GCN1: variants seen among roughly 807,000 people sequenced by gnomAD.
GCN1 encodes the protein GCN1 activator of EIF2AK4, also known as stalled ribosome sensor GCN1.
A neutral mutation model predicts 288.4 loss-of-function variants in GCN1; 90 were observed. The ratio of observed to expected loss-of-function variants is 0.31; its 90% CI spans 0.26 to 0.37. The LOEUF (loss-of-function observed/expected upper bound fraction) is 0.37. GCN1 is among the 10% of genes least tolerant of loss of function. The pLI, the probability that GCN1 is intolerant of heterozygous loss-of-function variation, is 1.00. For missense variants in GCN1, 2,586 were observed against 3,419.9 expected (o/e 0.76, Z 6.08); for synonymous variants, 1,386 against 1,420.2 (o/e 0.98, Z 0.54).
rs1196822246 is a variant in GCN1, at chr12:120,134,758, G to A, written c.7009-32C>T. 1 of 1,592,430 alleles carries A rather than the reference G, an allele frequency of 6.3e-7. No homozygotes were observed. The highest frequency in any genetic ancestry group is 8.6e-7 in the Non-Finnish European group (1 of 1,162,390). On this transcript the variant is annotated intron_variant, in intron 51 of 57. Coordinates refer to ENST00000300648, the MANE Select transcript of GCN1 (RefSeq NM_006836.2). The surrounding 1 kb of genome is among the most constrained non-coding windows in gnomAD (Gnocchi z 5.0). The stretch of plus-strand genomic sequence containing the variant: ...GAGGAACCCACATCCATGAAAGACA[G>A]TTGTGGTAGACCCAAAGCCACAGTG...
chr12:120,144,961 T>C lies in GCN1; in HGVS notation c.5117A>G (p.Tyr1706Cys), dbSNP rs900587552. 8 of 1,614,048 alleles carry C rather than the reference T, an allele frequency of 5.0e-6. 1 individual carries two copies. Among genetic ancestry groups the C allele is most frequent in the Admixed American group, 3.3e-5 (2 of 60,012 alleles). Reference protein sequence around the residue: ...LLPWLMETLTYEQSSVDRSGA... With the variant: ...LLPWLMETLTCEQSSVDRSGA... ...TGAGCGATCCACAGAGCTCTGCTCA[T>C]AGGTCAGTGTCTCCATCAGCCACGG... The change falls in exon 40 of 58, where the codon TAT becomes TGT. Residue 1706 changes from tyrosine to cysteine, a missense_variant. Physicochemically the swap from Tyr to Cys is radical, Grantham distance 194. Transcript: ENST00000300648. The surrounding 1 kb of genome is among the most constrained non-coding windows in gnomAD (Gnocchi z 4.7).
rs757807251 is a variant in GCN1 at position 120,130,729 on chromosome 12, G to A, written c.7588C>T (p.Arg2530Trp). The A allele has an allele frequency of 8.1e-6, 13 of 1,613,352 alleles. No individual in the cohort carries two copies. Among genetic ancestry groups the A allele is most frequent in the East Asian group, 2.2e-5 (1 of 44,894 alleles). The change falls in exon 56 of 58, where the codon CGG (arginine) becomes TGG (tryptophan). Residue 2530 changes from arginine (R) to tryptophan (W), a missense_variant. By Grantham distance (101) the Arg-to-Trp change is moderately radical. Around this residue, in one of 8 missense-constraint regions of GCN1, gnomAD observed 355 missense variants for 431.1 expected, o/e 0.82. Coordinates refer to ENST00000300648, the MANE Select transcript of GCN1 (RefSeq NM_006836.2). ...TGTCTCATGAGAAAGCCCATGCCCC[G>A]GACCCCGCTCACCGCAATGGGGATC... Reference protein sequence around the residue: ...DRIPIAVSGVRGMGFLMRHHI... With the variant: ...DRIPIAVSGVWGMGFLMRHHI...
Position 120,156,320 on chromosome 12 carries a change from G to T in GCN1, c.3312+141C>A, listed in dbSNP as rs1041654595. 2.8e-5 allele frequency: 21 copies of T among 742,238 alleles called. No individual in the cohort carries two copies. Among genetic ancestry groups the T allele is most frequent in the Non-Finnish European group, 4.0e-5 (18 of 448,970 alleles). 46.0% of individuals were successfully genotyped at this position (742,238 alleles called of 1,614,324 possible). On this transcript the variant is annotated intron_variant, in intron 28 of 57. Transcript: ENST00000300648. The surrounding 1 kb of genome is among the most constrained non-coding windows in gnomAD (Gnocchi z 5.8). ...TGCTTAGTGTTCTGATTCTCAGAGA[G>T]ACCCCAACCATGTGACTTCTTCTCT...
At position 120,153,698 on chromosome 12, in the gene GCN1, A is replaced by G; in HGVS notation, c.3867+46T>C. On this transcript the variant is annotated intron_variant, in intron 32 of 57. Transcript: ENST00000300648. The surrounding 1 kb of genome is among the most constrained non-coding windows in gnomAD (Gnocchi z 4.4). Reference sequence around the variant, plus strand: ...TCCCGTGTCTCCTTAGCGGGCTGGGACCCCCTTACCTTCCCGTGGGTGTTC... The same window carrying G: ...TCCCGTGTCTCCTTAGCGGGCTGGGGCCCCCTTACCTTCCCGTGGGTGTTC... 1 of 1,581,644 alleles carries G rather than the reference A, an allele frequency of 6.3e-7. No individual in the cohort carries two copies. Among genetic ancestry groups the G allele is most frequent in the Non-Finnish European group, 8.7e-7 (1 of 1,155,586 alleles).
chr12:120,134,843 A>AT lies in GCN1; in HGVS notation c.7009-118_7009-117insA. The AT allele has an allele frequency of 3.5e-6, 3 of 864,012 alleles. No individual in the cohort carries two copies. Among genetic ancestry groups the AT allele is most frequent in the Non-Finnish European group, 5.6e-6 (3 of 536,760 alleles). 53.5% of individuals were successfully genotyped at this position (864,012 alleles called of 1,614,324 possible). On this transcript the variant is annotated intron_variant, in intron 51 of 57. Transcript: ENST00000300648. This position sits in a 1 kb window ranked among gnomAD's most constrained non-coding sequence, Gnocchi z 5.0. ...CCACCACAGCGAGTCCAGCTCTCAT[A>AT]CAGGGCTGGGGACAGATAGCCCGTC...
intron 56 of GCN1, among the ~76,000 whole-genome samples, chr12:120,129,951 G>A (rs780895131): frequency 4.0e-4 from 61 of 152,188 alleles, no homozygotes; most frequent in Non-Finnish European, 5.9e-4. Context: ...GTGAACAAGC[G>A]GGTGCAGGCT....
Position 120,134,740 on chromosome 12 carries a change from C to G in GCN1, c.7009-14G>C. 1 of 1,610,304 alleles carries G rather than the reference C, an allele frequency of 6.2e-7. No homozygotes were observed. The highest frequency in any genetic ancestry group is 8.5e-7 in the Non-Finnish European group (1 of 1,178,396). On this transcript the variant is annotated splice_polypyrimidine_tract_variant and intron_variant, in intron 51 of 57. Coordinates refer to ENST00000300648, the MANE Select transcript of GCN1 (RefSeq NM_006836.2). The surrounding 1 kb of genome is among the most constrained non-coding windows in gnomAD (Gnocchi z 5.0). The stretch of plus-strand genomic sequence containing the variant: ...GGCAATCCCAACCTGTGGGAGGAAC[C>G]CACATCCATGAAAGACAGTTGTGGT...
rs373512809 is a variant in GCN1 at position 120,142,747 on chromosome 12, G to T, written c.5614-25C>A. ...CCTGCAGCCAGTAGAAGGGGACAGA[G>T]AGTAGTGAAGCCTCTATGGCATGGG... is the stretch of plus-strand genomic sequence containing the variant. On this transcript the variant is annotated intron_variant, in intron 43 of 57. Transcript: ENST00000300648. The surrounding 1 kb of genome is among the most constrained non-coding windows in gnomAD (Gnocchi z 4.9). The T allele has an allele frequency of 3.3e-5, 53 of 1,610,820 alleles. No homozygotes were observed. The highest frequency in any genetic ancestry group is 4.3e-5 in the Non-Finnish European group (51 of 1,176,948).
intron 33 of GCN1, among the ~76,000 whole-genome samples, chr12:120,152,208 T>C (rs1302802586): frequency 1.3e-5 from 2 of 151,874 alleles, no homozygotes; most frequent in African/African-American, 2.4e-5. Context: ...TTTAAAGTTT[T>C]TGTAGAGACA....
intron 16 of GCN1, among the ~76,000 whole-genome samples, chr12:120,165,051 A>ATAT (rs1443144301): frequency 3.5e-4 from 50 of 142,148 alleles, no homozygotes; most frequent in African/African-American, 1.3e-3. Flanking sequence ...ATATATATAT[A>ATAT]TTTTTTTTTT....
chr12:120,192,465 CG>C lies in GCN1; in HGVS notation c.19-2066del, dbSNP rs772926266. 1.1e-3 allele frequency among the ~76,000 whole-genome samples: 165 copies of C among 152,180 alleles called. 1 individual carries two copies. The highest frequency in any genetic ancestry group is 1.9e-3 in the Non-Finnish European group (130 of 68,036). On this transcript the variant is annotated intron_variant, in intron 1 of 57. Transcript: ENST00000300648. ...AGACAAGGCTGGGTGCAGTGGCTCA[CG>C]CCTGTAATCCCAGCACTTTGGGAGG...
Position 120,153,745 on chromosome 12 carries a change from T to C in GCN1, c.3866A>G (p.Lys1289Arg). The change falls in exon 32 of 58, where the codon AAG becomes AGG. Residue 1289 changes from lysine to arginine, a missense_variant and splice_region_variant. This residue lies in a region of GCN1 where 332 missense variants were observed against 403.0 expected (regional missense o/e 0.82). Coordinates refer to ENST00000300648, the MANE Select transcript of GCN1 (RefSeq NM_006836.2). This position sits in a 1 kb window ranked among gnomAD's most constrained non-coding sequence, Gnocchi z 4.4. ...GTTCCCTGGCTGGGACCCCCTTACC[T>C]TCCCATGAGTGTTGAGCGTTGCGAG... ...AALATLNTHG[K>R]ENVNSLLPVF... 1.2e-6 allele frequency: 2 copies of C among 1,613,720 alleles called. No individual in the cohort carries two copies. The highest frequency in any genetic ancestry group is 1.7e-6 in the Non-Finnish European group (2 of 1,179,782).
intron 14 of GCN1, among the ~76,000 whole-genome samples, chr12:120,172,573 G>A (rs1174048807): frequency 6.6e-6 from 1 of 151,804 alleles, no homozygotes; most frequent in African/African-American, 2.4e-5. Context: ...GCAATGGCTT[G>A]ATCTCGGCTC....
chr12:120,166,928 C>A (rs1878149161), intron 16 of GCN1, among the ~76,000 whole-genome samples: 1 of 151,470 alleles, frequency 6.6e-6, no homozygotes, highest in African/African-American at 2.4e-5. Flanking sequence ...GTGGGAGGAC[C>A]ACCTGAGACC....
intron 45 of GCN1, 135 bp from the exon 46 acceptor site, chr12:120,138,991 T>A: frequency 2.9e-6 from 2 of 698,088 alleles, no homozygotes; most frequent in Non-Finnish European, 4.7e-6. Context: ...TCTTTTAACT[T>A]AACTCTTTAC....
chr12:120,154,845 C>A, intron 31 of GCN1, 125 bp downstream of exon 31: 1 of 1,239,762 alleles, frequency 8.1e-7, no homozygotes, highest in Non-Finnish European at 1.2e-6. Context: ...GAACTCAGGC[C>A]TCCCCGACTC....
intron 2 of GCN1, among the ~76,000 whole-genome samples, chr12:120,188,866 T>C (rs1162126564): frequency 2.7e-5 from 4 of 150,218 alleles, no homozygotes; most frequent in Admixed American, 6.7e-5. Flanking sequence ...AAAAAAAAAG[T>C]TTTTGTACTC....
chr12:120,146,883 T>C (rs113836526), intron 38 of GCN1, among the ~76,000 whole-genome samples, 169 bp downstream of exon 38: 382 of 152,336 alleles, frequency 2.5e-3, no homozygotes, highest in African/African-American at 7.9e-3. Context: ...TGCGCTAAGA[T>C]GCCCAGAGAG....
At chr12:120,165,310 C>T (rs535359827) in intron 16 of GCN1, among the ~76,000 whole-genome samples, 1 of 152,268 alleles carries the variant, frequency 6.6e-6, no homozygotes, top group South Asian at 2.1e-4. Context: ...GTTGGGATTA[C>T]AGGCGTGAGC....
Sources: gnomAD v4.1 joint callset for allele counts (sites outside exome capture counted in the v4.1 genomes callset) on GRCh38, gnomAD v4.1.1 for gene constraint, gnomAD v4.1.1 regional missense constraint, Gnocchi (gnomAD v3.1) non-coding constraint, MANE v1.5 for transcripts, NCBI Gene and HGNC (gene_info 2026-07-23, HGNC 2026-07-21) for gene names.